The following ZNF385C variants were observed in gnomAD, a reference collection of about 807,000 sequenced individuals.
The protein encoded by ZNF385C is zinc finger protein 385C, also known as CTD-2132N18.2.
ZNF385C carries 28 observed loss-of-function variants against 35.4 expected under a neutral mutation model. The observed-to-expected ratio is 0.79, with a 90% confidence interval of 0.59 to 1.08. ZNF385C has a LOEUF of 1.08. Ranked by LOEUF, ZNF385C falls within the 50% of genes least tolerant of loss-of-function variation. ZNF385C has a pLI of 0.00. For synonymous variants in ZNF385C, 248 were observed against 248.2 expected (o/e 1.00, Z 0.01); for missense variants, 605 against 595.6 (o/e 1.02, Z -0.16).
chr17:42,039,938 C>A, intron 2 of ZNF385C: 1 of 1,231,214 alleles, frequency 8.1e-7, no homozygotes, highest in Non-Finnish European at 1.0e-6. Context: ...GCGGCTAGGG[C>A]GGCGAAGTCG....
chr17:42,074,906 A>G (rs1017674851), intron 1 of ZNF385C, among the ~76,000 whole-genome samples: 1 of 152,162 alleles, frequency 6.6e-6, no homozygotes, highest in Non-Finnish European at 1.5e-5. Context: ...AGCTTTGACA[A>G]GGTATCCTCT....
intron 1 of ZNF385C, among the ~76,000 whole-genome samples, chr17:42,068,715 A>T (rs2053582699): frequency 1.3e-5 from 2 of 152,168 alleles, no homozygotes; most frequent in Admixed American, 1.3e-4. Context: ...CTGTTATCCC[A>T]CTGCATAGAT....
chr17:42,028,334 TC>T, intron 6 of ZNF385C, 88 bp from the exon 7 acceptor site: 2 of 1,354,576 alleles, frequency 1.5e-6, no homozygotes, highest in Non-Finnish European at 2.0e-6. Flanking sequence ...AATTTGGCTC[TC>T]CCTGTAAGCC....
chr17:42,084,206 G>A (rs1226597227), intron 1 of ZNF385C, among the ~76,000 whole-genome samples: 64 of 151,580 alleles, frequency 4.2e-4, no homozygotes, highest in South Asian at 2.1e-4. Flanking sequence ...AGCTAGGCAT[G>A]GTGGCAGATG....
At chr17:42,051,298 G>A (rs1459189848) in intron 2 of ZNF385C, among the ~76,000 whole-genome samples, 9 of 152,014 alleles carry the variant, frequency 5.9e-5, no homozygotes, top group Admixed American at 5.2e-4. Flanking sequence ...TGACAGAGTG[G>A]GGAAGAGGGA....
rs113129109 is a variant in ZNF385C at position 42,092,577 on chromosome 17, CT to C, written c.-3+5832del. 1.7e-3 allele frequency among the ~76,000 whole-genome samples: 265 copies of C among 152,270 alleles called. 2 individuals carry two copies. Among genetic ancestry groups the C allele is most frequent in the African/African-American group, 5.9e-3 (245 of 41,556 alleles). On this transcript the variant is annotated intron_variant, in intron 1 of 8. Transcript: ENST00000692273. ...CCCCGAGCCCATCAGAGAATTATTC[CT>C]CTGCTAAAGTCTCACTGGAGGACTG...
rs140340502 is a variant in ZNF385C, at chr17:42,091,537, G to A, written c.-3+6873C>T. On this transcript the variant is annotated intron_variant, in intron 1 of 8. Coordinates refer to ENST00000692273, the MANE Select transcript of ZNF385C (RefSeq NM_001392013.1). The stretch of plus-strand genomic sequence containing the variant: ...CAAGGGTCAGGCCCATGTGCCAAAT[G>A]GACAGCTCCCCCTCCACCCCTTCAT... Among the ~76,000 whole-genome samples, 610 of 152,330 alleles carry A rather than the reference G, an allele frequency of 4.0e-3. 9 individuals are homozygous for A. The highest frequency in any genetic ancestry group is 0.014 in the African/African-American group (586 of 41,578).
chr17:42,039,796 C>T, intron 2 of ZNF385C: 1 of 1,232,266 alleles, frequency 8.1e-7, no homozygotes, highest in Non-Finnish European at 1.0e-6. Flanking sequence ...CAGCGGGGGC[C>T]CATCCACTGC....
At chr17:42,040,005 C>T (rs1408672133) in intron 2 of ZNF385C, 2 of 1,231,034 alleles carry the variant, frequency 1.6e-6, no homozygotes, top group Non-Finnish European at 2.0e-6. Context: ...ACAGGGCCCG[C>T]GGGCCGAGCC....
rs552886227 is a variant in ZNF385C at position 42,042,115 on chromosome 17, C to T, written c.251-4230G>A. ...ACTAAGTCAAAAGTCATTTCCATTT[C>T]CATTCCAGCACTTTGCGGGGCCAAG... On this transcript the variant is annotated intron_variant, in intron 2 of 8. Transcript: ENST00000692273. Among the ~76,000 whole-genome samples, 8 of 152,258 alleles carry T rather than the reference C, an allele frequency of 5.3e-5. No individual in the cohort carries two copies. In the South Asian group the frequency reaches 1.5e-3, roughly 28 times the overall value.
intron 1 of ZNF385C, among the ~76,000 whole-genome samples, chr17:42,076,348 G>A (rs1439887189): frequency 5.9e-5 from 9 of 151,678 alleles, no homozygotes; most frequent in South Asian, 2.1e-4. Context: ...CTGGCCGGGC[G>A]CGGTGGCTCA....
At chr17:42,076,981 A>G (rs1268148317) in intron 1 of ZNF385C, among the ~76,000 whole-genome samples, 1 of 152,150 alleles carries the variant, frequency 6.6e-6, no homozygotes, top group Non-Finnish European at 1.5e-5. Flanking sequence ...AATGACGCTT[A>G]GTCTAAATAA....
At chr17:42,037,702 G>A (rs1555655608) in intron 3 of ZNF385C, 35 bp downstream of exon 3, 9 of 1,479,794 alleles carry the variant, frequency 6.1e-6, no homozygotes. Context: ...CCACAAGCTT[G>A]TGTGCATGCC....
At position 42,058,748 on chromosome 17, in the gene ZNF385C, C is replaced by T. The variant is rs979902843; in HGVS notation, c.250+4059G>A. Among the ~76,000 whole-genome samples, 6 of 152,154 alleles carry T rather than the reference C, an allele frequency of 3.9e-5. No homozygotes were observed. In the East Asian group the frequency reaches 9.6e-4, roughly 24 times the overall value. On this transcript the variant is annotated intron_variant, in intron 2 of 8. Transcript: ENST00000692273. The stretch of plus-strand genomic sequence containing the variant: ...TCAGCTCACTGCAACGTCTGCCTCC[C>T]GGGTTCAAGTGATTCTCTTGCTTCA...
chr17:42,028,234 C>T lies in ZNF385C; in HGVS notation c.980G>A (p.Arg327Gln), dbSNP rs1441009259. The change falls in exon 7 of 9, where the codon CGG (arginine) becomes CAG (glutamine). Residue 327 changes from arginine (R) to glutamine (Q), a missense_variant. Physicochemically the swap from Arg to Gln is conservative, Grantham distance 43 (BLOSUM62 1). Transcript: ENST00000692273. ...LQAHNTGAKH[R>Q]WMMEGQRGAP... ...CCCTCGCTGACCTTCCATCATCCAC[C>T]GGTGCTTGGCTCCTGGAGAGGGAAG... 1.5e-5 allele frequency: 23 copies of T among 1,534,758 alleles called. No homozygotes were observed. Among genetic ancestry groups the T allele is most frequent in the South Asian group, 6.4e-5 (5 of 78,380 alleles).
chr17:42,030,815 C>A (rs1167360917), intron 5 of ZNF385C, among the ~76,000 whole-genome samples: 2 of 152,050 alleles, frequency 1.3e-5, no homozygotes, highest in Non-Finnish European at 2.9e-5. Context: ...CAGGGACACA[C>A]AAGGGAGAAT....
intron 2 of ZNF385C, chr17:42,040,654 A>G (rs1421230876): frequency 8.1e-7 from 1 of 1,232,284 alleles, no homozygotes; most frequent in African/African-American, 1.5e-5. Flanking sequence ...TGCTTCCACT[A>G]CAGGCAGCAG....
Position 42,057,128 on chromosome 17 carries a change from TTGTC to T in ZNF385C, c.250+5675_250+5678del, listed in dbSNP as rs10588610. ...CCAGCCTGGGCAACAGAACAAGACG[TTGTC>T]TCAATAAACAAAACAAAACAAAACA... On this transcript the variant is annotated intron_variant, in intron 2 of 8. Coordinates refer to ENST00000692273, the MANE Select transcript of ZNF385C (RefSeq NM_001392013.1). Among the ~76,000 whole-genome samples, 1,256 of 151,964 alleles carry T rather than the reference TTGTC, an allele frequency of 8.3e-3. 17 individuals are homozygous for T. Among genetic ancestry groups the T allele is most frequent in the African/African-American group, 0.028 (1,173 of 41,434 alleles).
chr17:42,049,949 C>A, intron 2 of ZNF385C, among the ~76,000 whole-genome samples: 1 of 152,234 alleles, frequency 6.6e-6, no homozygotes, highest in Non-Finnish European at 1.5e-5. Flanking sequence ...AGCACATTTA[C>A]ATCATCCCAG....
Sources: gnomAD v4.1 joint callset for allele counts (sites outside exome capture counted in the v4.1 genomes callset) on GRCh38, gnomAD v4.1.1 for gene constraint, MANE v1.5 for transcripts, NCBI Gene and HGNC (gene_info 2026-07-23, HGNC 2026-07-21) for gene names.